Variants in FRAS1 observed in about 807,000 individuals in gnomAD.
FRAS1 encodes Fraser extracellular matrix complex subunit 1.
A neutral mutation model predicts 435.2 loss-of-function variants in FRAS1; 290 were observed. The ratio of observed to expected loss-of-function variants is 0.67; its 90% CI spans 0.61 to 0.73. The LOEUF is 0.73. FRAS1 is among the 30% of genes least tolerant of loss of function. The pLI, the probability that FRAS1 is intolerant of heterozygous loss-of-function variation, is 0.00. For synonymous variants in FRAS1, 1,800 were observed against 1,851.0 expected, an observed-to-expected ratio of 0.97 and a Z score of 0.71; for missense variants, 4,860 against 5,001.5, an observed-to-expected ratio of 0.97 and a Z score of 0.85.
chr4:78,162,351 C>T (rs1721178679), intron 2 of FRAS1, among the ~76,000 whole-genome samples: 1 of 152,104 alleles, frequency 6.6e-6, no homozygotes. Context: ...GTTGTTCGGT[C>T]TCCCAAAAAA....
intron 29 of FRAS1, among the ~76,000 whole-genome samples, chr4:78,389,343 A>G (rs888327925): frequency 2.0e-5 from 3 of 152,238 alleles, no homozygotes; most frequent in Non-Finnish European, 4.4e-5. Flanking sequence ...GTTTAAAACC[A>G]CTTGTCACTT....
At chr4:78,171,523 G>C (rs764978850) in intron 2 of FRAS1, among the ~76,000 whole-genome samples, 7 of 152,088 alleles carry the variant, frequency 4.6e-5, no homozygotes, top group Admixed American at 1.3e-4. Flanking sequence ...TGGAGTTACT[G>C]TTAACTCCCA....
intron 17 of FRAS1, among the ~76,000 whole-genome samples, chr4:78,318,210 G>A (rs1242733626): frequency 6.6e-6 from 1 of 152,198 alleles, no homozygotes; most frequent in African/African-American, 2.4e-5. Context: ...TAAAGAACGG[G>A]AGAGTTAATT....
intron 15 of FRAS1, among the ~76,000 whole-genome samples, chr4:78,312,367 A>G (rs1445326382): frequency 1.3e-5 from 2 of 151,986 alleles, no homozygotes; most frequent in Non-Finnish European, 2.9e-5. Context: ...CTAAATTTCC[A>G]TAGTCTAAAT....
chr4:78,447,260 A>T (rs1718868264), intron 43 of FRAS1, among the ~76,000 whole-genome samples: 1 of 133,438 alleles, frequency 7.5e-6, no homozygotes, highest in African/African-American at 2.8e-5. Flanking sequence ...GAGGCATACT[A>T]GATGTCTTTA....
chr4:78,472,431 C>T, intron 52 of FRAS1, 101 bp downstream of exon 52: 1 of 1,017,526 alleles, frequency 9.8e-7, no homozygotes, highest in Non-Finnish European at 1.4e-6. Flanking sequence ...CTACTTATGC[C>T]CAAGTAACCA....
At chr4:78,364,555 A>G (rs57610053) in intron 22 of FRAS1, among the ~76,000 whole-genome samples, 68 of 152,272 alleles carry the variant, frequency 4.5e-4, no homozygotes, top group African/African-American at 1.5e-3. Flanking sequence ...AACAGTAGTT[A>G]TTTGGACTTG....
intron 59 of FRAS1, among the ~76,000 whole-genome samples, chr4:78,490,552 A>T (rs1720317497): frequency 6.6e-6 from 1 of 152,214 alleles, no homozygotes; most frequent in African/African-American, 2.4e-5. Flanking sequence ...CTCCTGAATG[A>T]CTACTGGGTA....
intron 2 of FRAS1, among the ~76,000 whole-genome samples, chr4:78,119,979 G>T (rs149515970): frequency 1.3e-5 from 2 of 152,268 alleles, no homozygotes; most frequent in Non-Finnish European, 2.9e-5. Context: ...TTCCCTGCTT[G>T]TCTACTGAAG....
At chr4:78,338,846 G>C (rs898163215) in intron 20 of FRAS1, among the ~76,000 whole-genome samples, 1 of 152,210 alleles carries the variant, frequency 6.6e-6, no homozygotes, top group African/African-American at 2.4e-5. Flanking sequence ...CCCTGTGGCT[G>C]GTGGTGCCAT....
At chr4:78,086,529 C>A (rs181786236) in intron 2 of FRAS1, among the ~76,000 whole-genome samples, 241 of 152,082 alleles carry the variant, frequency 1.6e-3, no homozygotes, top group Middle Eastern at 3.4e-3. Flanking sequence ...AGACCACTAT[C>A]AAGACTAATA....
chr4:78,081,766 C>A (rs1740907775), intron 2 of FRAS1, among the ~76,000 whole-genome samples: 1 of 152,074 alleles, frequency 6.6e-6, no homozygotes, highest in Non-Finnish European at 1.5e-5. Flanking sequence ...CTCAGGGCAT[C>A]GTAGCTGATG....
chr4:78,301,030 T>TG (rs1174527891), intron 14 of FRAS1, among the ~76,000 whole-genome samples: 1 of 152,234 alleles, frequency 6.6e-6, no homozygotes, highest in African/African-American at 2.4e-5. Flanking sequence ...AATTAGGACT[T>TG]GCTTGTGCAA....
At chr4:78,280,690 C>T (rs1269881520) in intron 10 of FRAS1, among the ~76,000 whole-genome samples, 3 of 151,224 alleles carry the variant, frequency 2.0e-5, no homozygotes, top group Admixed American at 1.3e-4. Context: ...ACTCTAGGTT[C>T]AAATCTCTAC....
At chr4:78,319,446 GAATA>G (rs1233676793) in intron 18 of FRAS1, 1 of 456,610 alleles carries the variant, frequency 2.2e-6, no homozygotes, top group Non-Finnish European at 4.4e-6. Context: ...ATGACATCCT[GAATA>G]AATAATTTGA....
In FRAS1 at chr4:78,488,978, A is replaced by G; in HGVS notation, c.8856A>G (p.Ser2952=). The G allele has an allele frequency of 6.2e-7, 1 of 1,613,732 alleles. No individual in the cohort carries two copies. Among genetic ancestry groups the G allele is most frequent in the African/African-American group, 1.3e-5 (1 of 75,040 alleles). The part of the protein sequence containing the change: ...TRSGDLSYES[S]VRCYTQSHSA... ...GCGGAGACCTGAGCTATGAGTCATC[A>G]GTGAGGTGCTATACTCAGAGCCATT... Residue 2952 remains serine, a synonymous_variant, in exon 59 of 74, where the codon TCA becomes TCG. Coordinates refer to ENST00000512123, the MANE Select transcript of FRAS1 (RefSeq NM_025074.7).
chr4:78,159,399 G>A (rs1258217521), intron 2 of FRAS1, among the ~76,000 whole-genome samples: 1 of 152,120 alleles, frequency 6.6e-6, no homozygotes, highest in Non-Finnish European at 1.5e-5. Context: ...CATTGTTTGA[G>A]AACAATATAA....
At chr4:78,460,950 G>T (rs1376153668) in intron 47 of FRAS1, among the ~76,000 whole-genome samples, 1 of 152,162 alleles carries the variant, frequency 6.6e-6, no homozygotes, top group African/African-American at 2.4e-5. Context: ...ACCAAATATG[G>T]TTTGAGCATC....
At position 78,430,360 on chromosome 4, in the gene FRAS1, C is replaced by G. The variant is rs1382329261; in HGVS notation, c.4912C>G (p.Pro1638Ala). ...KELFFELRRPPQHGVLLKHTA... is the reference protein window; with the variant it reads ...KELFFELRRPAQHGVLLKHTA... ...ACTCTTCTTTGAGCTTCGGAGACCTCCACAGCATGGTGTGCTTCTTAAGCA... is the reference window on the plus strand; with the variant it reads ...ACTCTTCTTTGAGCTTCGGAGACCTGCACAGCATGGTGTGCTTCTTAAGCA... The change falls in exon 37 of 74, where the codon CCA becomes GCA. Residue 1638 changes from proline to alanine, a missense_variant. Pro to Ala is a conservative substitution (Grantham distance 27). Coordinates refer to ENST00000512123, the MANE Select transcript of FRAS1 (RefSeq NM_025074.7). 2 of 1,613,642 alleles carry G rather than the reference C, an allele frequency of 1.2e-6. No individual in the cohort carries two copies. The highest frequency in any genetic ancestry group is 1.7e-6 in the Non-Finnish European group (2 of 1,179,828).
Sources: allele counts gnomAD v4.1 joint callset (sites outside exome capture counted in the v4.1 genomes callset), GRCh38; gene constraint gnomAD v4.1.1; transcripts MANE v1.5; gene names NCBI Gene and HGNC (gene_info 2026-07-23, HGNC 2026-07-21).